The following CPB1 variants were observed in gnomAD, a reference collection of about 807,000 sequenced individuals.
CPB1 encodes carboxypeptidase B1, also known as carboxypeptidase B.
Under a neutral mutation model 51.4 loss-of-function variants are expected in CPB1, and 53 were observed. That is an observed-to-expected ratio of 1.03 (90% CI 0.83 to 1.30). The LOEUF (loss-of-function observed/expected upper bound fraction) is 1.30, where lower values mean the gene tolerates loss of function less well. Ranked by LOEUF, CPB1 falls within the 50% of genes most tolerant of loss-of-function variation. CPB1 has a pLI of 0.00. For synonymous variants in CPB1, 189 were observed against 186.9 expected, an observed-to-expected ratio of 1.01 and a Z score of -0.09; for missense variants, 494 against 516.2, an observed-to-expected ratio of 0.96 and a Z score of 0.42.
chr3:148,841,741 C>T (rs1713085986), intron 5 of CPB1, 82 bp from the exon 6 acceptor site: 11 of 1,067,216 alleles, frequency 1.0e-5, no homozygotes, highest in Non-Finnish European at 1.4e-5. Context: ...TGTTGAGTCT[C>T]AAGCCCAGAT....
chr3:148,857,674 A>T, intron 10 of CPB1, 133 bp downstream of exon 10: 3 of 446,298 alleles, frequency 6.7e-6, no homozygotes, highest in South Asian at 4.8e-5. Flanking sequence ...TAAAATATGT[A>T]ATCAGTTTTC....
At chr3:148,837,283 A>T (rs1308266499) in intron 3 of CPB1, among the ~76,000 whole-genome samples, 1 of 152,174 alleles carries the variant, frequency 6.6e-6, no homozygotes, top group African/African-American at 2.4e-5. Flanking sequence ...GCGTACAGGA[A>T]GGTGTCCCAG....
intron 2 of CPB1, among the ~76,000 whole-genome samples, chr3:148,829,220 G>T (rs1712658381): frequency 6.6e-6 from 1 of 152,058 alleles, no homozygotes; most frequent in Non-Finnish European, 1.5e-5. Flanking sequence ...ACAGACTCTT[G>T]ATCATTCTGC....
At chr3:148,854,197 C>T (rs1713511839) in intron 9 of CPB1, 1 of 152,224 alleles carries the variant, frequency 6.6e-6, no homozygotes, top group African/African-American at 2.4e-5. Context: ...TTGATTGGAA[C>T]ATTCCCACTG....
intron 3 of CPB1, among the ~76,000 whole-genome samples, chr3:148,834,893 A>C (rs1445966403): frequency 6.6e-6 from 1 of 152,230 alleles, no homozygotes; most frequent in Non-Finnish European, 1.5e-5. Flanking sequence ...TTTTACAAGC[A>C]ATGTATAGAG....
Position 148,860,083 on chromosome 3 carries a change from G to C in CPB1, c.*81G>C. 7.1e-7 allele frequency: 1 copy of C among 1,414,256 alleles called. No individual in the cohort carries two copies. The highest frequency in any genetic ancestry group is 9.7e-7 in the Non-Finnish European group (1 of 1,030,306). The allele number at this position is 1,414,256 out of a possible 1,614,324, so 87.6% of individuals were successfully genotyped here. On this transcript the variant is annotated 3_prime_UTR_variant, in exon 11 of 11. Coordinates refer to ENST00000282957, the MANE Select transcript of CPB1 (RefSeq NM_001871.3). ...TTGAATTCTTATTTTGGTTTGCCTG[G>C]ATGTTTTGCAGATCCCAATCTTTCT...
At chr3:148,853,651 C>T (rs1428690006) in intron 9 of CPB1, among the ~76,000 whole-genome samples, 2 of 152,184 alleles carry the variant, frequency 1.3e-5, no homozygotes, top group African/African-American at 4.8e-5. Context: ...TTCTCTCAGG[C>T]TGGTTTATAT....
chr3:148,837,755 C>G (rs775671857), intron 3 of CPB1, among the ~76,000 whole-genome samples: 1 of 151,970 alleles, frequency 6.6e-6, no homozygotes, highest in East Asian at 1.9e-4. Context: ...TTCAACCTCA[C>G]TCTGATGCTC....
At chr3:148,832,770 CCAGTTCTA>C (rs1712778013) in intron 2 of CPB1, among the ~76,000 whole-genome samples, 1 of 152,098 alleles carries the variant, frequency 6.6e-6, no homozygotes. Flanking sequence ...TTGGCTTTTC[CCAGTTCTA>C]CAGGAAAGAG....
At chr3:148,841,663 C>G (rs1256815572) in intron 5 of CPB1, among the ~76,000 whole-genome samples, 160 bp from the exon 6 acceptor site, 1 of 152,194 alleles carries the variant, frequency 6.6e-6, no homozygotes, top group African/African-American at 2.4e-5. Flanking sequence ...GAAGCGAGAA[C>G]ATACTGTGTT....
chr3:148,854,989 G>C (rs1418584909), intron 9 of CPB1: 1 of 152,312 alleles, frequency 6.6e-6, no homozygotes, highest in Non-Finnish European at 1.5e-5. Flanking sequence ...GGTACCCACA[G>C]TCATGGAGGT....
intron 9 of CPB1, chr3:148,857,073 T>TTTTTTTTTTTTTTTTTTTTTTG (rs1713592538): frequency 6.5e-6 from 1 of 152,674 alleles, no homozygotes; most frequent in African/African-American, 2.5e-5. Context: ...TTTTTTTTTT[T>TTTTTTTTTTTTTTTTTTTTTTG]TTTTTTTTTT....
In CPB1 at chr3:148,859,904, G is replaced by A. The variant is rs774294501; in HGVS notation, c.1156G>A (p.Gly386Ser). 7.3e-5 allele frequency: 118 copies of A among 1,613,988 alleles called. 1 individual carries two copies. The highest frequency in any genetic ancestry group is 1.1e-4 in the South Asian group (10 of 91,086). The change falls in exon 11 of 11, where the codon GGC (glycine) becomes AGC (serine). Residue 386 changes from glycine to serine, a missense_variant. Transcript: ENST00000282957. ...TFELRDTGRYGFLLPESQIRA... is the reference protein window; with the variant it reads ...TFELRDTGRYSFLLPESQIRA... ...TGAACTTCGAGATACAGGCAGATAT[G>A]GCTTTCTCCTTCCAGAATCCCAGAT...
chr3:148,839,528 T>C (rs970546725), intron 3 of CPB1, among the ~76,000 whole-genome samples: 2 of 152,226 alleles, frequency 1.3e-5, no homozygotes, highest in Non-Finnish European at 2.9e-5. Flanking sequence ...TTTTAAATAC[T>C]ACCTTAAGAT....
In CPB1 at chr3:148,840,785, G is replaced by A. The variant is rs200048415; in HGVS notation, c.372G>A (p.Thr124=). 28 of 1,613,946 alleles carry A rather than the reference G, an allele frequency of 1.7e-5. No individual in the cohort carries two copies. Among genetic ancestry groups the A allele is most frequent in the South Asian group, 8.8e-5 (8 of 91,068 alleles). ...HSYEKYNKWE[T]IEAWTQQVAT... Reference sequence around the variant, plus strand: ...ATGAGAAGTACAACAAGTGGGAAACGGTATGATGTGCACATGATTTAGACA... The same window carrying A: ...ATGAGAAGTACAACAAGTGGGAAACAGTATGATGTGCACATGATTTAGACA... Residue 124 remains threonine, a splice_region_variant and synonymous_variant, in exon 4 of 11, where the codon ACG becomes ACA. Transcript: ENST00000282957.
intron 8 of CPB1, 32 bp from the exon 9 acceptor site, chr3:148,845,392 A>G (rs746460872): frequency 9.4e-6 from 15 of 1,598,972 alleles, no homozygotes; most frequent in South Asian, 1.1e-5. Context: ...TCACTAGGTG[A>G]TCCTTGCCAT....
intron 3 of CPB1, among the ~76,000 whole-genome samples, chr3:148,836,406 A>G (rs1202991788): frequency 2.0e-5 from 3 of 152,240 alleles, no homozygotes; most frequent in Non-Finnish European, 4.4e-5. Flanking sequence ...AGCCTTCAGT[A>G]GCATTCAAAA....
At chr3:148,841,570 A>G (rs1713081812) in intron 5 of CPB1, among the ~76,000 whole-genome samples, 1 of 152,258 alleles carries the variant, frequency 6.6e-6, no homozygotes. Context: ...GTAATCAAGC[A>G]TCATCTGAAA....
chr3:148,845,474 G>A lies in CPB1; in HGVS notation c.829G>A (p.Ala277Thr), dbSNP rs41267863. The A allele has an allele frequency of 1.6e-3, 2,653 of 1,613,794 alleles. 36 individuals are homozygous for A. Among genetic ancestry groups the A allele is most frequent in the African/African-American group, 5.1e-4 (38 of 74,974 alleles). The change falls in exon 9 of 11, where the codon GCA (alanine) becomes ACA (threonine). Residue 277 changes from alanine (A) to threonine (T), a missense_variant. By Grantham distance (58) the Ala-to-Thr change is moderately conservative. Coordinates refer to ENST00000282957, the MANE Select transcript of CPB1 (RefSeq NM_001871.3). The stretch of plus-strand genomic sequence containing the variant: ...TGATGAAACTTACTGTGGACCTGCC[G>A]CAGAGTCTGAAAAGGAGACCAAGGC... ...PCDETYCGPAAESEKETKALA... is the reference protein window; with the variant it reads ...PCDETYCGPATESEKETKALA...
Sources: allele counts gnomAD v4.1 joint callset (sites outside exome capture counted in the v4.1 genomes callset), GRCh38; gene constraint gnomAD v4.1.1; transcripts MANE v1.5; gene names NCBI Gene and HGNC (gene_info 2026-07-23, HGNC 2026-07-21).